Variants in CTNNA3 observed in about 807,000 individuals in gnomAD.
CTNNA3 encodes catenin alpha-3.
CTNNA3 carries 76 observed loss-of-function variants against 95.7 expected under a neutral mutation model. The observed-to-expected ratio is 0.79, with a 90% CI of 0.66 to 0.96. The LOEUF (loss-of-function observed/expected upper bound fraction) is 0.96. Ranked by LOEUF, CTNNA3 falls within the 40% of genes least tolerant of loss-of-function variation. The pLI is 0.00. For synonymous variants in CTNNA3, 431 were observed against 374.4 expected (o/e 1.15, Z -1.74); for missense variants, 1,191 against 1,089.8 (o/e 1.09, Z -1.31).
intron 7 of CTNNA3, among the ~76,000 whole-genome samples, chr10:66,905,157 G>A (rs781375931): frequency 3.9e-5 from 6 of 152,172 alleles, no homozygotes; most frequent in Admixed American, 6.5e-5. Flanking sequence ...TTAAGAAAAC[G>A]TGGCACATAT....
At chr10:66,526,340 C>T (rs1459531326) in intron 10 of CTNNA3, among the ~76,000 whole-genome samples, 1 of 151,988 alleles carries the variant, frequency 6.6e-6, no homozygotes, top group African/African-American at 2.4e-5. Flanking sequence ...TGCGCACCAC[C>T]ACACCCAGAT....
intron 17 of CTNNA3, among the ~76,000 whole-genome samples, chr10:65,962,807 T>C (rs1016500929): frequency 3.3e-5 from 5 of 150,182 alleles, no homozygotes; most frequent in Non-Finnish European, 7.4e-5. Flanking sequence ...ACATGTGGTG[T>C]TCGGTTTTCT....
chr10:67,117,457 A>G (rs1426410479), intron 7 of CTNNA3, among the ~76,000 whole-genome samples: 2 of 151,986 alleles, frequency 1.3e-5, no homozygotes, highest in African/African-American at 2.4e-5. Flanking sequence ...CACAAAAAGA[A>G]TTGTATCCAA....
At chr10:67,349,301 C>G (rs899552434) in intron 5 of CTNNA3, among the ~76,000 whole-genome samples, 2 of 152,062 alleles carry the variant, frequency 1.3e-5, no homozygotes, top group African/African-American at 4.8e-5. Context: ...TGGAAACAAT[C>G]TAAATGTCCA....
chr10:66,555,881 A>C (rs1842373724), intron 10 of CTNNA3, among the ~76,000 whole-genome samples: 1 of 152,102 alleles, frequency 6.6e-6, no homozygotes, highest in African/African-American at 2.4e-5. Flanking sequence ...AACTATATCA[A>C]ACTAAATAGC....
At chr10:66,136,557 T>C (rs994166484) in intron 13 of CTNNA3, among the ~76,000 whole-genome samples, 3 of 152,162 alleles carry the variant, frequency 2.0e-5, no homozygotes, top group Non-Finnish European at 2.9e-5. Context: ...AAGTTTAGTC[T>C]ACATTATTAA....
intron 3 of CTNNA3, among the ~76,000 whole-genome samples, chr10:67,593,743 T>A (rs955338002): frequency 2.0e-5 from 3 of 150,996 alleles, no homozygotes; most frequent in Non-Finnish European, 4.4e-5. Context: ...CTTGGATACA[T>A]TTTTTTTTCT....
intron 15 of CTNNA3, among the ~76,000 whole-genome samples, chr10:66,058,583 C>T (rs184758857): frequency 4.5e-4 from 68 of 152,264 alleles, no homozygotes; most frequent in Middle Eastern, 3.4e-3. Context: ...AGATCTTAGG[C>T]TCTCCTGGAC....
intron 1 of CTNNA3, among the ~76,000 whole-genome samples, chr10:67,726,546 CATATT>C (rs1431219083): frequency 9.2e-5 from 5 of 54,590 alleles, no homozygotes; most frequent in African/African-American, 4.1e-4. Flanking sequence ...TTATATATTA[CATATT>C]ATATAATATA....
Position 65,913,809 on chromosome 10 carries a change from G to C in CTNNA3, c.*6521C>G, listed in dbSNP as rs1044930649. 2.0e-5 allele frequency: 3 copies of C among 152,096 alleles called. No homozygotes were observed. The highest frequency in any genetic ancestry group is 4.4e-5 in the Non-Finnish European group (3 of 68,026). 9.4% of individuals were successfully genotyped at this position (152,096 alleles called of 1,614,324 possible). A position where few individuals can be genotyped will look rare whatever the true frequency, so the allele number is the denominator to read the frequency against. On this transcript the variant is annotated 3_prime_UTR_variant, in exon 18 of 18. Coordinates refer to ENST00000433211, the MANE Select transcript of CTNNA3 (RefSeq NM_013266.4). Reference sequence around the variant, plus strand: ...AAGCCCAGGTCAAGGAAATCCCTTAGTAGAAGCTCAACTCTCAGTGAATAC... The same window carrying C: ...AAGCCCAGGTCAAGGAAATCCCTTACTAGAAGCTCAACTCTCAGTGAATAC...
At chr10:66,692,735 A>G (rs10822885) in intron 9 of CTNNA3, among the ~76,000 whole-genome samples, 27,074 of 152,006 alleles carry the variant, frequency 0.18, 3,056 homozygotes, top group East Asian at 0.34. Context: ...ACCCACAAAG[A>G]GAAGACCATC....
At chr10:66,877,308 G>A (rs1844663907) in intron 7 of CTNNA3, among the ~76,000 whole-genome samples, 1 of 152,148 alleles carries the variant, frequency 6.6e-6, no homozygotes, top group Admixed American at 6.6e-5. Flanking sequence ...ATGGATCAGG[G>A]TATGGCGAGG....
intron 9 of CTNNA3, among the ~76,000 whole-genome samples, chr10:66,698,154 C>T (rs1231107333): frequency 1.3e-5 from 2 of 152,166 alleles, no homozygotes; most frequent in African/African-American, 2.4e-5. Context: ...TAAACATTCC[C>T]TTAAACAGAT....
At chr10:66,265,242 G>C (rs1564825742) in intron 13 of CTNNA3, among the ~76,000 whole-genome samples, 1 of 151,960 alleles carries the variant, frequency 6.6e-6, no homozygotes, top group Non-Finnish European at 1.5e-5. Flanking sequence ...TTGGAGTCAG[G>C]AGACCTGAAT....
At position 67,368,327 on chromosome 10, in the gene CTNNA3, A is replaced by G. The variant is rs188027137; in HGVS notation, c.580-148457T>C. Among the ~76,000 whole-genome samples the G allele has an allele frequency of 1.6e-4, 25 of 152,308 alleles. No individual in the cohort carries two copies. In the East Asian group the frequency reaches 4.6e-3, roughly 28 times the overall value. ...ATTGAGATAGTTCTACATGCTCACT[A>G]GAATGGCTGAAATTTAAAAGGCTGA... On this transcript the variant is annotated intron_variant, in intron 5 of 17. Coordinates refer to ENST00000433211, the MANE Select transcript of CTNNA3 (RefSeq NM_013266.4).
intron 3 of CTNNA3, among the ~76,000 whole-genome samples, chr10:67,556,433 C>A (rs1841257398): frequency 6.6e-6 from 1 of 152,092 alleles, no homozygotes; most frequent in African/African-American, 2.4e-5. Flanking sequence ...AATTTCAGAG[C>A]CTGTTATTGG....
chr10:66,852,130 T>C (rs1307221354), intron 7 of CTNNA3, among the ~76,000 whole-genome samples: 1 of 152,188 alleles, frequency 6.6e-6, no homozygotes, highest in Non-Finnish European at 1.5e-5. Flanking sequence ...AATTGAACAT[T>C]ATGATAAAAA....
chr10:66,509,458 C>A (rs1203721836), intron 11 of CTNNA3, among the ~76,000 whole-genome samples: 1 of 151,872 alleles, frequency 6.6e-6, no homozygotes, highest in Non-Finnish European at 1.5e-5. Flanking sequence ...CAGTGTCCTG[C>A]AACATTTCCT....
At chr10:66,931,015 C>G (rs1847355796) in intron 7 of CTNNA3, among the ~76,000 whole-genome samples, 1 of 152,066 alleles carries the variant, frequency 6.6e-6, no homozygotes, top group Admixed American at 6.5e-5. Flanking sequence ...AACTGCCAGT[C>G]TCCTGCTCAA....
Sources: allele counts gnomAD v4.1 joint callset (sites outside exome capture counted in the v4.1 genomes callset), GRCh38; gene constraint gnomAD v4.1.1; transcripts MANE v1.5; gene names NCBI Gene and HGNC (gene_info 2026-07-23, HGNC 2026-07-21).